Variants in EDA observed in about 807,000 individuals in gnomAD.
The protein encoded by EDA is ectodysplasin-A.
EDA carries 2 observed loss-of-function variants against 23.6 expected under a neutral mutation model. The ratio of observed to expected loss-of-function variants is 0.08; its 90% CI spans 0.03 to 0.27. The LOEUF (loss-of-function observed/expected upper bound fraction) is 0.27. EDA is among the 10% of genes least tolerant of loss of function. The pLI is 1.00. For synonymous variants in EDA, 131 were observed against 132.0 expected (o/e 0.99, Z 0.05); for missense variants, 229 against 324.2 (o/e 0.71, Z 2.26).
intron 1 of EDA, among the ~76,000 whole-genome samples, chrX:69,867,866 G>A (rs2017510519): frequency 9.0e-6 from 1 of 111,526 alleles, no homozygotes; most frequent in Admixed American, 9.5e-5. Flanking sequence ...GCCCAATCAC[G>A]TATATACCAC....
At chrX:69,884,950 T>G (rs1481513098) in intron 1 of EDA, among the ~76,000 whole-genome samples, 1 of 112,353 alleles carries the variant, frequency 8.9e-6, no homozygotes, top group African/African-American at 3.2e-5. Flanking sequence ...TGCTGGAGGA[T>G]TCCAATTTCT....
chrX:69,783,044 G>T, intron 1 of EDA, among the ~76,000 whole-genome samples: 1 of 111,763 alleles, frequency 8.9e-6, no homozygotes, highest in East Asian at 2.8e-4. Flanking sequence ...AGCCTGAAGT[G>T]TAAGTATATC....
intron 1 of EDA, chrX:69,861,176 C>T: frequency 3.5e-6 from 1 of 288,011 alleles, no homozygotes; most frequent in Non-Finnish European, 6.2e-6. Flanking sequence ...GAAGAACAAG[C>T]AAAGATTGTT....
At chrX:69,912,611 T>C (rs542076958) in intron 1 of EDA, among the ~76,000 whole-genome samples, 2 of 111,249 alleles carry the variant, frequency 1.8e-5, no homozygotes, top group East Asian at 5.7e-4. Context: ...AGCAGTAGTA[T>C]TTTGAATGGA....
At chrX:69,913,704 G>C (rs2018301020) in intron 1 of EDA, among the ~76,000 whole-genome samples, 1 of 112,221 alleles carries the variant, frequency 8.9e-6, no homozygotes, top group African/African-American at 3.2e-5. Flanking sequence ...TGGTACAAGA[G>C]GCCTAGCTTT....
At chrX:69,916,779 G>T (rs2018353152) in intron 1 of EDA, among the ~76,000 whole-genome samples, 1 of 110,300 alleles carries the variant, frequency 9.1e-6, no homozygotes. Context: ...ATGGTGCCTG[G>T]TATAATAATA....
intron 1 of EDA, among the ~76,000 whole-genome samples, chrX:69,637,987 C>T (rs56116033): frequency 0.13 from 14,915 of 110,520 alleles, 844 homozygotes; most frequent in Non-Finnish European, 0.18. Flanking sequence ...AGAGCCTTCT[C>T]ATGGGCACCT....
chrX:69,960,437 TG>T (rs1343322734), intron 2 of EDA, among the ~76,000 whole-genome samples: 2 of 111,250 alleles, frequency 1.8e-5, no homozygotes, highest in African/African-American at 6.5e-5. Context: ...TAGAGGAATA[TG>T]GGGAAAGAGT....
At chrX:69,644,412 G>A (rs1366463159) in intron 1 of EDA, among the ~76,000 whole-genome samples, 1 of 110,928 alleles carries the variant, frequency 9.0e-6, no homozygotes, top group Non-Finnish European at 1.9e-5. Context: ...CTGCTTGCCT[G>A]TTGTTGGTGT....
intron 1 of EDA, among the ~76,000 whole-genome samples, chrX:69,628,759 A>G (rs897661126): frequency 9.0e-6 from 1 of 111,168 alleles, no homozygotes; most frequent in Non-Finnish European, 1.9e-5. Context: ...TATAGCAATC[A>G]ATTGTTAAGT....
At chrX:69,830,312 C>G (rs1212486343) in intron 1 of EDA, among the ~76,000 whole-genome samples, 1 of 111,723 alleles carries the variant, frequency 9.0e-6, no homozygotes, top group East Asian at 2.8e-4. Context: ...ATGTCCACAC[C>G]TGCTAATCTA....
intron 5 of EDA, among the ~76,000 whole-genome samples, chrX:70,029,807 T>C (rs1193680136): frequency 1.8e-5 from 2 of 112,418 alleles, no homozygotes; most frequent in Non-Finnish European, 3.8e-5. Flanking sequence ...CCAGGCCCAG[T>C]AGTCAGCTGA....
intron 1 of EDA, among the ~76,000 whole-genome samples, chrX:69,777,155 TGTTG>T (rs1344451051): frequency 9.1e-6 from 1 of 109,703 alleles, no homozygotes; most frequent in African/African-American, 3.3e-5. Context: ...TTGTTGTTGT[TGTTG>T]TTGTTGTTGT....
intron 1 of EDA, among the ~76,000 whole-genome samples, chrX:69,734,638 T>G (rs981693360): frequency 8.9e-6 from 1 of 111,777 alleles, no homozygotes; most frequent in Non-Finnish European, 1.9e-5. Flanking sequence ...TTCATTTTCA[T>G]TCAGATCAAA....
chrX:69,863,533 A>G (rs181707232), intron 1 of EDA, among the ~76,000 whole-genome samples: 392 of 29,514 alleles, frequency 0.013, 3 homozygotes, highest in African/African-American at 0.031. Context: ...ATGTGTGTGT[A>G]TATATATATA....
intron 1 of EDA, among the ~76,000 whole-genome samples, chrX:69,665,190 C>A (rs1488074384): frequency 1.8e-5 from 2 of 112,012 alleles, no homozygotes; most frequent in Non-Finnish European, 3.8e-5. Flanking sequence ...TGTATGAGTT[C>A]TTTATACATT....
chrX:69,697,015 A>G (rs915598442), intron 1 of EDA, among the ~76,000 whole-genome samples: 3 of 111,610 alleles, frequency 2.7e-5, no homozygotes, highest in Non-Finnish European at 5.6e-5. Flanking sequence ...ATATAATGAG[A>G]TATTTTGAGA....
At chrX:69,731,223 G>A (rs2013011854) in intron 1 of EDA, among the ~76,000 whole-genome samples, 2 of 111,214 alleles carry the variant, frequency 1.8e-5, no homozygotes, top group South Asian at 7.5e-4. Context: ...CTTCAGATTA[G>A]TAATTTGTGT....
chrX:69,758,761 G>T (rs964414115), intron 1 of EDA, among the ~76,000 whole-genome samples: 1 of 112,337 alleles, frequency 8.9e-6, no homozygotes, highest in Admixed American at 9.4e-5. Flanking sequence ...GCTTGAGCCC[G>T]GGAGGTGTAG....
Sources: gnomAD v4.1 joint callset for allele counts (sites outside exome capture counted in the v4.1 genomes callset) on GRCh38, gnomAD v4.1.1 for gene constraint, MANE v1.5 for transcripts, NCBI Gene and HGNC (gene_info 2026-07-23, HGNC 2026-07-21) for gene names.